TMTC4: variants seen among roughly 807,000 people sequenced by gnomAD.
TMTC4 encodes transmembrane O-mannosyltransferase targeting cadherins 4, also known as protein O-mannosyl-transferase TMTC4.
In TMTC4, 65 loss-of-function variants were observed where a neutral mutation model predicts 86.0. The ratio of observed to expected loss-of-function variants is 0.76; its 90% confidence interval spans 0.62 to 0.93. The LOEUF is 0.93. Ranked by LOEUF, TMTC4 falls within the 40% of genes least tolerant of loss-of-function variation. The probability of loss-of-function intolerance (pLI) is 0.00; values close to 1 mark genes in which losing one functional copy is unlikely to be tolerated. For synonymous variants in TMTC4, 379 were observed against 382.5 expected, an observed-to-expected ratio of 0.99 and a Z score of 0.11; for missense variants, 866 against 948.1, an observed-to-expected ratio of 0.91 and a Z score of 1.14.
At chr13:100,641,647 C>G (rs1883030292) in intron 7 of TMTC4, among the ~76,000 whole-genome samples, 1 of 152,190 alleles carries the variant, frequency 6.6e-6, no homozygotes. Context: ...ACCATCGCGC[C>G]TGGCTAATTT....
intron 4 of TMTC4, among the ~76,000 whole-genome samples, chr13:100,663,643 C>T (rs942082685): frequency 3.9e-5 from 6 of 152,164 alleles, no homozygotes; most frequent in East Asian, 1.9e-4. Context: ...AAACACCCTC[C>T]GCTGGCAGGG....
intron 1 of TMTC4, among the ~76,000 whole-genome samples, chr13:100,671,111 T>C (rs998426381): frequency 1.3e-5 from 2 of 152,370 alleles, no homozygotes; most frequent in South Asian, 2.1e-4. Flanking sequence ...CAAAAGGTCA[T>C]GTAACCGGTT....
intron 16 of TMTC4, 28 bp from the exon 17 acceptor site, chr13:100,612,538 G>A: frequency 6.4e-7 from 1 of 1,555,412 alleles, no homozygotes; most frequent in Admixed American, 1.7e-5. Context: ...AAAAATAAAA[G>A]ACATGTTAAT....
chr13:100,623,295 C>T (rs985398426), intron 15 of TMTC4, among the ~76,000 whole-genome samples: 14 of 152,200 alleles, frequency 9.2e-5, no homozygotes, highest in African/African-American at 3.4e-4. Context: ...TGCAGTGCCG[C>T]AATCTTGGCT....
intron 12 of TMTC4, among the ~76,000 whole-genome samples, chr13:100,632,051 A>ACTCTCTCTCT (rs1368407089): frequency 5.9e-4 from 17 of 28,596 alleles, no homozygotes; most frequent in East Asian, 1.1e-3. Context: ...ACACACACAC[A>ACTCTCTCTCT]CACTCTCTCT....
chr13:100,667,011 G>C (rs574986245), intron 3 of TMTC4, among the ~76,000 whole-genome samples: 2 of 152,010 alleles, frequency 1.3e-5, no homozygotes, highest in Non-Finnish European at 2.9e-5. Flanking sequence ...AAAGCCACCA[G>C]TTTGACATAA....
chr13:100,606,332 C>T lies in TMTC4; in HGVS notation c.2134+26G>A, dbSNP rs181309872. On this transcript the variant is annotated intron_variant, in intron 18 of 18. Coordinates refer to ENST00000342624, the MANE Select transcript of TMTC4 (RefSeq NM_032813.5). ...TCATTAAAGTAACAAAATTTCAACA[C>T]GATTCAAGTTGAACATTTTTCTTAC... is the stretch of plus-strand genomic sequence containing the variant. 291 of 1,603,428 alleles carry T rather than the reference C, an allele frequency of 1.8e-4. No homozygotes were observed. In the Middle Eastern group the frequency reaches 2.2e-3, roughly 12 times the overall value.
chr13:100,612,604 C>T, intron 16 of TMTC4, 94 bp from the exon 17 acceptor site: 1 of 828,684 alleles, frequency 1.2e-6, no homozygotes, highest in Non-Finnish European at 2.0e-6. Context: ...GTGCACAGCA[C>T]ATGACAATTA....
In TMTC4 at chr13:100,637,964, A is replaced by C. The variant is rs1270874391; in HGVS notation, c.800T>G (p.Val267Gly). 1 of 1,614,084 alleles carries C rather than the reference A, an allele frequency of 6.2e-7. No individual in the cohort carries two copies. The highest frequency in any genetic ancestry group is 8.5e-7 in the Non-Finnish European group (1 of 1,179,968). ...CTTGTCCTTATGTAGTACCTTCTGG[A>C]CAATTTCCAGAACATTGAATTTGCC... ...VIGKFNVLEI[V>G]QKVLHKDKSL... is the part of the protein sequence containing the mutation. Residue 267 changes from valine to glycine, a missense_variant, in exon 8 of 19, where the codon GTC becomes GGC. Physicochemically the swap from Val to Gly is moderately radical, Grantham distance 109 (BLOSUM62 -3). Transcript: ENST00000342624.
intron 6 of TMTC4, among the ~76,000 whole-genome samples, chr13:100,656,112 C>T (rs1023845839): frequency 1.1e-4 from 17 of 152,230 alleles, no homozygotes; most frequent in African/African-American, 4.1e-4. Flanking sequence ...AATGGCAAAA[C>T]TCAATCCTGC....
intron 5 of TMTC4, among the ~76,000 whole-genome samples, chr13:100,660,845 T>G (rs1885692419): frequency 6.6e-6 from 1 of 151,694 alleles, no homozygotes; most frequent in Non-Finnish European, 1.5e-5. Context: ...GTAGAGACGG[T>G]TTTTCGCCAT....
At chr13:100,620,290 T>C (rs992773723) in intron 15 of TMTC4, among the ~76,000 whole-genome samples, 6 of 152,162 alleles carry the variant, frequency 3.9e-5, no homozygotes, top group Admixed American at 1.3e-4. Context: ...CCTTTCCTCT[T>C]ACTCTCACTC....
At chr13:100,659,750 G>C (rs919469963) in intron 5 of TMTC4, among the ~76,000 whole-genome samples, 2 of 150,860 alleles carry the variant, frequency 1.3e-5, no homozygotes, top group African/African-American at 2.4e-5. Context: ...TCCATGAGTT[G>C]AGGAGCACAA....
At position 100,604,773 on chromosome 13, in the gene TMTC4, T is replaced by C. The variant is rs1483540977; in HGVS notation, c.*221A>G. 3 of 441,078 alleles carry C rather than the reference T, an allele frequency of 6.8e-6. No individual in the cohort carries two copies. Among genetic ancestry groups the C allele is most frequent in the Non-Finnish European group, 7.5e-6 (2 of 266,998 alleles). 27.3% of individuals were successfully genotyped at this position (441,078 alleles called of 1,614,324 possible). A position where few individuals can be genotyped will look rare whatever the true frequency, so the allele number is the denominator to read the frequency against. ...ACATTTTTGGAATTTTAGAATTACA[T>C]TTGAGTTGTCTGAAAAAATACAATT... On this transcript the variant is annotated 3_prime_UTR_variant, in exon 19 of 19. Coordinates refer to ENST00000342624, the MANE Select transcript of TMTC4 (RefSeq NM_032813.5).
intron 5 of TMTC4, among the ~76,000 whole-genome samples, chr13:100,659,074 C>CA (rs1177840702): frequency 3.9e-5 from 6 of 152,142 alleles, no homozygotes; most frequent in African/African-American, 1.4e-4. Flanking sequence ...GTGAAACACT[C>CA]AGAGTTTTCT....
At chr13:100,652,563 A>C (rs1313607432) in intron 6 of TMTC4, among the ~76,000 whole-genome samples, 4 of 152,160 alleles carry the variant, frequency 2.6e-5, no homozygotes, top group Non-Finnish European at 5.9e-5. Context: ...ATGAAAATAT[A>C]TATATATACA....
chr13:100,615,819 G>A (rs560299373), intron 15 of TMTC4, among the ~76,000 whole-genome samples: 3 of 152,324 alleles, frequency 2.0e-5, no homozygotes, highest in African/African-American at 7.2e-5. Context: ...ATTGTGTGAT[G>A]CTGAGGTTTG....
intron 3 of TMTC4, among the ~76,000 whole-genome samples, chr13:100,666,943 C>T (rs1369088442): frequency 2.0e-5 from 3 of 152,222 alleles, no homozygotes; most frequent in Admixed American, 2.0e-4. Flanking sequence ...TGAACTATGA[C>T]TGCACCACTG....
rs148071717 is a variant in TMTC4 at position 100,622,014 on chromosome 13, C to T, written c.1836+3521G>A. Among the ~76,000 whole-genome samples, 59 of 152,248 alleles carry T rather than the reference C, an allele frequency of 3.9e-4. 1 individual carries two copies. The highest frequency in any genetic ancestry group is 1.3e-3 in the African/African-American group (55 of 41,528). On this transcript the variant is annotated intron_variant, in intron 15 of 18. Coordinates refer to ENST00000342624, the MANE Select transcript of TMTC4 (RefSeq NM_032813.5). ...CCCCTTCCCCCTGGGAACAAACAGC[C>T]GATCATTATAATAATTTCAGCTCTC... is the stretch of plus-strand genomic sequence containing the variant.
Sources: allele counts gnomAD v4.1 joint callset (sites outside exome capture counted in the v4.1 genomes callset), GRCh38; gene constraint gnomAD v4.1.1; transcripts MANE v1.5; gene names NCBI Gene and HGNC (gene_info 2026-07-23, HGNC 2026-07-21).